SAFB2: variants seen among roughly 807,000 people sequenced by gnomAD.
The protein encoded by SAFB2 is scaffold attachment factor B2.
A neutral mutation model predicts 100.6 loss-of-function variants in SAFB2; 32 were observed. That is an observed-to-expected ratio of 0.32 (90% CI 0.24 to 0.43). The LOEUF is 0.43. Among genes scored for constraint, SAFB2 ranks in the 20% least tolerant of loss-of-function variants. SAFB2 has a pLI of 1.00. For synonymous variants in SAFB2, 500 were observed against 439.4 expected (o/e 1.14, Z -1.72); for missense variants, 1,185 against 1,163.4 (o/e 1.02, Z -0.27).
intron 9 of SAFB2, among the ~76,000 whole-genome samples, chr19:5,605,545 C>T (rs146446069): frequency 6.6e-6 from 1 of 152,288 alleles, no homozygotes; most frequent in East Asian, 1.9e-4. Flanking sequence ...TCTCTATTTC[C>T]ACTGTGCCCA....
intron 14 of SAFB2, among the ~76,000 whole-genome samples, chr19:5,594,889 C>A (rs973547971): frequency 6.6e-6 from 1 of 152,300 alleles, no homozygotes; most frequent in South Asian, 2.1e-4. Context: ...CACTCTGTCA[C>A]CCAGTCTGCA....
intron 11 of SAFB2, among the ~76,000 whole-genome samples, chr19:5,602,855 A>AT (rs2145336080): frequency 6.6e-6 from 1 of 152,222 alleles, no homozygotes; most frequent in East Asian, 1.9e-4. Context: ...TTTCTTAGCA[A>AT]TGCTGATGGG....
At chr19:5,593,749 G>T in intron 15 of SAFB2, 142 bp downstream of exon 15, 1 of 884,266 alleles carries the variant, frequency 1.1e-6, no homozygotes, top group Non-Finnish European at 1.6e-6. Flanking sequence ...GAGATCGGCG[G>T]GGGGTCCCCA....
chr19:5,610,538 C>T lies in SAFB2; in HGVS notation c.1195+101G>A, dbSNP rs934444742. 5.6e-6 allele frequency: 5 copies of T among 893,766 alleles called. No homozygotes were observed. The African/African-American group carries it at 6.8e-5, about 12-fold the overall frequency. The allele number at this position is 893,766 out of a possible 1,614,324, so 55.4% of individuals were successfully genotyped here. On this transcript the variant is annotated intron_variant, in intron 8 of 20. Transcript: ENST00000252542. The stretch of plus-strand genomic sequence containing the variant: ...GGTGGTTGATTCCGGTAACCCATAA[C>T]AAAACAAATTACTGAATCCAAAGTG...
At chr19:5,610,376 T>C (rs973618917) in intron 8 of SAFB2, 5 of 586,276 alleles carry the variant, frequency 8.5e-6, no homozygotes, top group Admixed American at 3.1e-5. Context: ...TCTAAAATCC[T>C]TGAAACAGTC....
At chr19:5,588,019 C>A in intron 18 of SAFB2, 39 bp from the exon 19 acceptor site, 1 of 1,567,462 alleles carries the variant, frequency 6.4e-7, no homozygotes, top group Non-Finnish European at 8.7e-7. Context: ...ATCTAATGAG[C>A]CTCCAGGGTT....
At chr19:5,613,690 A>C in intron 4 of SAFB2, 163 bp from the exon 5 acceptor site, 2 of 985,430 alleles carry the variant, frequency 2.0e-6, no homozygotes, top group Non-Finnish European at 2.4e-6. Flanking sequence ...TCTCCGCCAG[A>C]ACACACACTC....
Position 5,587,582 on chromosome 19 carries a change from G to A in SAFB2, c.2705+119C>T. 3 of 1,448,222 alleles carry A rather than the reference G, an allele frequency of 2.1e-6. No individual in the cohort carries two copies. Among genetic ancestry groups the A allele is most frequent in the South Asian group, 1.4e-5 (1 of 69,996 alleles). 89.7% of individuals were successfully genotyped at this position (1,448,222 alleles called of 1,614,324 possible). Reference sequence around the variant, plus strand: ...GCGTTATTTGCATAAATTGCAAAGAGCTGCTTTTTGCTTTGTTTTCATAAC... The same window carrying A: ...GCGTTATTTGCATAAATTGCAAAGAACTGCTTTTTGCTTTGTTTTCATAAC... On this transcript the variant is annotated intron_variant, in intron 20 of 20. Transcript: ENST00000252542. This position sits in a 1 kb window ranked among gnomAD's most constrained non-coding sequence, Gnocchi z 4.9.
intron 11 of SAFB2, 72 bp from the exon 12 acceptor site, chr19:5,600,332 G>C (rs149607805): frequency 1.9e-6 from 3 of 1,574,872 alleles, no homozygotes; most frequent in East Asian, 4.5e-5. Context: ...CCAGAGCCTC[G>C]ACTCACACAT....
rs752428301 is a variant in SAFB2 at position 5,610,084 on chromosome 19, T to TGCC, written c.1204_1206dup (p.Gly402dup). 6.2e-7 allele frequency: 1 copy of TGCC among 1,614,124 alleles called. No homozygotes were observed. Reference sequence around the variant, plus strand: ...ACCCACAGGTTCCGACCAGAACCGCTGCCGACCCGACCTGGCACGAGAGGG... The same window carrying TGCC: ...ACCCACAGGTTCCGACCAGAACCGCTGCCGCCGACCCGACCTGGCACGAGAGGG... On this transcript the variant is annotated inframe_insertion, in exon 9 of 21. Coordinates refer to ENST00000252542, the MANE Select transcript of SAFB2 (RefSeq NM_014649.3).
intron 11 of SAFB2, among the ~76,000 whole-genome samples, chr19:5,601,852 T>C (rs979300869): frequency 2.0e-5 from 3 of 152,324 alleles, no homozygotes; most frequent in Admixed American, 6.5e-5. Flanking sequence ...TTCCTTCCAG[T>C]AGATAAATAT....
rs140875566 is a variant in SAFB2, at chr19:5,616,017, A to G, written c.543+115T>C. On this transcript the variant is annotated intron_variant, in intron 4 of 20. Coordinates refer to ENST00000252542, the MANE Select transcript of SAFB2 (RefSeq NM_014649.3). ...ACATGGTTTAACACCAGGGTGTAGAAGCAGAACTGTGTGTTCATGGCGGTT... is the reference window on the plus strand; with the variant it reads ...ACATGGTTTAACACCAGGGTGTAGAGGCAGAACTGTGTGTTCATGGCGGTT... 3 of 919,546 alleles carry G rather than the reference A, an allele frequency of 3.3e-6. No homozygotes were observed. The East Asian group carries it at 7.4e-5, about 23-fold the overall frequency. 57.0% of individuals were successfully genotyped at this position (919,546 alleles called of 1,614,324 possible).
chr19:5,593,307 G>A (rs2052455522), intron 15 of SAFB2, among the ~76,000 whole-genome samples: 1 of 152,176 alleles, frequency 6.6e-6, no homozygotes, highest in African/African-American at 2.4e-5. Context: ...AATTAGATGG[G>A]GTGATAGTGA....
intron 18 of SAFB2, among the ~76,000 whole-genome samples, chr19:5,588,657 G>A (rs558966638): frequency 6.6e-6 from 1 of 152,158 alleles, no homozygotes; most frequent in Non-Finnish European, 1.5e-5. Flanking sequence ...CGCAGGCCAA[G>A]AAATGACTCA....
intron 11 of SAFB2, among the ~76,000 whole-genome samples, chr19:5,601,154 A>AT (rs1420019958): frequency 2.2e-4 from 34 of 151,722 alleles, no homozygotes; most frequent in East Asian, 1.4e-3. Context: ...CTTTAAAAAA[A>AT]ATATATATAT....
At chr19:5,588,574 G>A (rs1250491825) in intron 18 of SAFB2, among the ~76,000 whole-genome samples, 1 of 152,128 alleles carries the variant, frequency 6.6e-6, no homozygotes, top group Non-Finnish European at 1.5e-5. Context: ...GGAAGCGCTG[G>A]CCCAGGCAGC....
intron 11 of SAFB2, among the ~76,000 whole-genome samples, chr19:5,602,479 C>CAA (rs35472223): frequency 0.038 from 1,477 of 39,268 alleles, 165 homozygotes; most frequent in Non-Finnish European, 0.047. Flanking sequence ...GACTCTGTCT[C>CAA]AAAAAAAAAA....
chr19:5,621,152 G>A (rs1412068754), intron 2 of SAFB2, among the ~76,000 whole-genome samples, 157 bp downstream of exon 2: 2 of 152,156 alleles, frequency 1.3e-5, no homozygotes, highest in Non-Finnish European at 2.9e-5. Context: ...CCTTGACAGA[G>A]CTACCTGTTA....
At position 5,587,846 on chromosome 19, in the gene SAFB2, G is replaced by A. The variant is rs374848041; in HGVS notation, c.2638+22C>T. ...ACATGTGGGGGCCACAGCCACCCTC[G>A]TCCCTGGAGCCAGCCCCGTACCTTG... On this transcript the variant is annotated intron_variant, in intron 19 of 20. Transcript: ENST00000252542. This position sits in a 1 kb window ranked among gnomAD's most constrained non-coding sequence, Gnocchi z 4.9. 7.5e-6 allele frequency: 12 copies of A among 1,597,074 alleles called. No individual in the cohort carries two copies. In the African/African-American group the frequency reaches 9.4e-5, roughly 13 times the overall value.
Sources: allele counts gnomAD v4.1 joint callset (sites outside exome capture counted in the v4.1 genomes callset), GRCh38; gene constraint gnomAD v4.1.1; non-coding constraint Gnocchi (gnomAD v3.1); transcripts MANE v1.5; gene names NCBI Gene and HGNC (gene_info 2026-07-23, HGNC 2026-07-21).